Variants in PHF14 observed in about 807,000 individuals in gnomAD.
The protein encoded by PHF14 is PHD finger protein 14.
A neutral mutation model predicts 117.9 loss-of-function variants in PHF14; 55 were observed. The ratio of observed to expected loss-of-function variants is 0.47; its 90% CI spans 0.38 to 0.58. The LOEUF is 0.58. Among genes scored for constraint, PHF14 ranks in the 20% least tolerant of loss-of-function variants. The pLI, the probability that PHF14 is intolerant of heterozygous loss-of-function variation, is 0.00. For synonymous variants in PHF14, 409 were observed against 368.6 expected (o/e 1.11, Z -1.26); for missense variants, 978 against 1,122.2 (o/e 0.87, Z 1.84).
chr7:11,132,215 A>G (rs1175185446), intron 17 of PHF14, among the ~76,000 whole-genome samples: 1 of 151,298 alleles, frequency 6.6e-6, no homozygotes, highest in Non-Finnish European at 1.5e-5. Context: ...TTCATCTTAT[A>G]TATCTGCTGC....
At chr7:11,007,206 GAAAGA>G (rs1344851825) in intron 4 of PHF14, among the ~76,000 whole-genome samples, 1 of 151,694 alleles carries the variant, frequency 6.6e-6, no homozygotes, top group Non-Finnish European at 1.5e-5. Flanking sequence ...AAAAAAAAAA[GAAAGA>G]AAAGAAAAGC....
chr7:11,014,122 A>G (rs1203403583), intron 5 of PHF14, among the ~76,000 whole-genome samples: 2 of 152,178 alleles, frequency 1.3e-5, no homozygotes, highest in African/African-American at 4.8e-5. Flanking sequence ...CATAATCTTA[A>G]TTAATCTTAA....
At chr7:11,105,456 C>G in intron 16 of PHF14, 1 of 970,604 alleles carries the variant, frequency 1.0e-6, no homozygotes, top group Non-Finnish European at 1.2e-6. Context: ...TATTTCATGA[C>G]TATTTCACCA....
intron 16 of PHF14, among the ~76,000 whole-genome samples, chr7:11,078,000 T>C (rs1024148663): frequency 6.6e-6 from 1 of 152,230 alleles, no homozygotes; most frequent in Non-Finnish European, 1.5e-5. Context: ...AACCTTAGAC[T>C]GATCTTTTTC....
chr7:11,129,548 CTTT>C (rs71023891), intron 17 of PHF14, among the ~76,000 whole-genome samples: 202 of 133,444 alleles, frequency 1.5e-3, no homozygotes, highest in African/African-American at 4.6e-3. Flanking sequence ...GTGTATGTTT[CTTT>C]TTTTTTTTTT....
chr7:11,131,436 C>CAT (rs767016656), intron 17 of PHF14, among the ~76,000 whole-genome samples: 2 of 151,744 alleles, frequency 1.3e-5, no homozygotes, highest in Non-Finnish European at 2.9e-5. Context: ...GCTTATTTGC[C>CAT]ATATATATAT....
intron 5 of PHF14, among the ~76,000 whole-genome samples, chr7:11,018,825 T>A (rs750662566): frequency 6.6e-6 from 1 of 152,206 alleles, no homozygotes; most frequent in Non-Finnish European, 1.5e-5. Flanking sequence ...GTTCCAGATC[T>A]TAGAGGAAAA....
At chr7:11,004,907 G>A (rs182979738) in intron 4 of PHF14, among the ~76,000 whole-genome samples, 2 of 151,918 alleles carry the variant, frequency 1.3e-5, no homozygotes, top group Admixed American at 1.3e-4. Flanking sequence ...ATCCCAGCTG[G>A]TTGGGAGGCT....
intron 17 of PHF14, among the ~76,000 whole-genome samples, chr7:11,117,125 G>A (rs1787620738): frequency 2.0e-5 from 3 of 151,918 alleles, no homozygotes; most frequent in African/African-American, 7.2e-5. Context: ...CAGGTCATAT[G>A]TATTCACAGA....
At chr7:11,096,867 GA>G (rs920832637) in intron 16 of PHF14, among the ~76,000 whole-genome samples, 13 of 147,234 alleles carry the variant, frequency 8.8e-5, no homozygotes, top group Non-Finnish European at 1.6e-4. Flanking sequence ...CTATATACTG[GA>G]AAAAAAAACT....
chr7:11,053,802 C>CT (rs200785973), intron 14 of PHF14, among the ~76,000 whole-genome samples: 2,184 of 151,952 alleles, frequency 0.014, 21 homozygotes, highest in Non-Finnish European at 0.024. Context: ...TACTGGTCTG[C>CT]TTTTTTTATC....
At chr7:10,983,311 T>C (rs1479620879) in intron 3 of PHF14, among the ~76,000 whole-genome samples, 152 bp downstream of exon 3, 1 of 152,192 alleles carries the variant, frequency 6.6e-6, no homozygotes, top group Non-Finnish European at 1.5e-5. Flanking sequence ...ATTTTTTCAT[T>C]TGGCCAACAG....
intron 17 of PHF14, among the ~76,000 whole-genome samples, chr7:11,122,990 A>T (rs1428968831): frequency 1.3e-5 from 2 of 152,138 alleles, no homozygotes; most frequent in East Asian, 3.9e-4. Context: ...CCTTGTTGGT[A>T]ATTTCCTCCT....
chr7:11,013,665 T>C (rs1783431273), intron 4 of PHF14, 82 bp from the exon 5 acceptor site: 1 of 689,362 alleles, frequency 1.5e-6, no homozygotes, highest in South Asian at 2.6e-5. Context: ...CCTCATCTCT[T>C]TGCTATTCTT....
chr7:11,022,598 G>GA (rs2128318621), intron 5 of PHF14, among the ~76,000 whole-genome samples: 1 of 152,244 alleles, frequency 6.6e-6, no homozygotes, highest in African/African-American at 2.4e-5. Flanking sequence ...TGCAGTGAGT[G>GA]AATTTTAAGT....
intron 16 of PHF14, among the ~76,000 whole-genome samples, chr7:11,073,817 G>C (rs192753795): frequency 6.6e-6 from 1 of 152,242 alleles, no homozygotes; most frequent in Admixed American, 6.5e-5. Context: ...TTTCACTCTC[G>C]CATTCTGTGC....
At chr7:11,149,626 G>A (rs1257283457) in intron 17 of PHF14, among the ~76,000 whole-genome samples, 1 of 152,012 alleles carries the variant, frequency 6.6e-6, no homozygotes, top group Non-Finnish European at 1.5e-5. Context: ...ACTACACTTG[G>A]TGGGCAATAT....
At chr7:11,049,647 G>T (rs755955768) in intron 13 of PHF14, among the ~76,000 whole-genome samples, 3 of 152,050 alleles carry the variant, frequency 2.0e-5, no homozygotes, top group Non-Finnish European at 2.9e-5. Flanking sequence ...CTGTTTTGAA[G>T]GCTGTTGCAT....
At chr7:11,124,366 C>G (rs940243668) in intron 17 of PHF14, among the ~76,000 whole-genome samples, 1 of 151,846 alleles carries the variant, frequency 6.6e-6, no homozygotes, top group African/African-American at 2.4e-5. Context: ...TTGTTAAATA[C>G]TCTTACATAA....
Sources: allele counts gnomAD v4.1 joint callset (sites outside exome capture counted in the v4.1 genomes callset), GRCh38; gene constraint gnomAD v4.1.1; transcripts MANE v1.5; gene names NCBI Gene and HGNC (gene_info 2026-07-23, HGNC 2026-07-21).